Variants in NCK2 observed in about 807,000 individuals in gnomAD.
The protein encoded by NCK2 is NCK adaptor protein 2, also known as cytoplasmic protein NCK2.
NCK2 carries 16 observed loss-of-function variants against 33.9 expected under a neutral mutation model. That is an observed-to-expected ratio of 0.47 (90% CI 0.32 to 0.72). NCK2 has a LOEUF of 0.72. Among genes scored for constraint, NCK2 ranks in the 30% least tolerant of loss-of-function variants. The pLI, the probability that NCK2 is intolerant of heterozygous loss-of-function variation, is 0.03. For synonymous variants in NCK2, 273 were observed against 239.9 expected (o/e 1.14, Z -1.27); for missense variants, 418 against 537.3 (o/e 0.78, Z 2.19).
intron 2 of NCK2, among the ~76,000 whole-genome samples, chr2:105,823,549 T>G (rs1675828541): frequency 6.6e-6 from 1 of 152,000 alleles, no homozygotes; most frequent in South Asian, 2.1e-4. Context: ...TTATAAAACA[T>G]GATGAATAAA....
At chr2:105,877,781 A>G (rs1377232390) in intron 3 of NCK2, among the ~76,000 whole-genome samples, 2 of 152,210 alleles carry the variant, frequency 1.3e-5, no homozygotes, top group Non-Finnish European at 2.9e-5. Context: ...CTCCTTCACT[A>G]TTATGGATTG....
intron 1 of NCK2, among the ~76,000 whole-genome samples, chr2:105,803,912 C>T (rs1674936970): frequency 6.6e-6 from 1 of 152,116 alleles, no homozygotes; most frequent in South Asian, 2.1e-4. Context: ...TAAAACAGTC[C>T]TGGTTCTGGC....
At chr2:105,857,958 A>G (rs1308682440) in intron 3 of NCK2, among the ~76,000 whole-genome samples, 3 of 152,134 alleles carry the variant, frequency 2.0e-5, no homozygotes, top group Non-Finnish European at 4.4e-5. Context: ...CAAGAAGGAA[A>G]GTGAGAATGC....
At chr2:105,765,831 G>A (rs988781228) in intron 1 of NCK2, among the ~76,000 whole-genome samples, 1 of 151,848 alleles carries the variant, frequency 6.6e-6, no homozygotes, top group Non-Finnish European at 1.5e-5. Context: ...GTGTGTGTGT[G>A]TAAGTCTGTG....
At chr2:105,884,447 AT>A (rs1460655169) in intron 4 of NCK2, among the ~76,000 whole-genome samples, 9 of 151,824 alleles carry the variant, frequency 5.9e-5, no homozygotes, top group African/African-American at 2.2e-4. Flanking sequence ...TCTTTATTTA[AT>A]TTCCTTTTTT....
chr2:105,815,695 A>C (rs1675453417), intron 1 of NCK2, among the ~76,000 whole-genome samples: 1 of 152,164 alleles, frequency 6.6e-6, no homozygotes. Flanking sequence ...TCTTGAAACT[A>C]GGGGTGCTTT....
intron 1 of NCK2, among the ~76,000 whole-genome samples, chr2:105,809,713 C>T (rs927961116): frequency 6.6e-6 from 1 of 152,152 alleles, no homozygotes; most frequent in African/African-American, 2.4e-5. Context: ...ACTATATAAG[C>T]ACTTATGACT....
chr2:105,873,364 T>C (rs1048777601), intron 3 of NCK2, among the ~76,000 whole-genome samples: 1 of 152,208 alleles, frequency 6.6e-6, no homozygotes, highest in Non-Finnish European at 1.5e-5. Flanking sequence ...CATGTTGGTC[T>C]GTGAGGCCTA....
chr2:105,824,257 A>T (rs1038281900), intron 2 of NCK2, among the ~76,000 whole-genome samples: 24 of 150,278 alleles, frequency 1.6e-4, no homozygotes, highest in African/African-American at 4.3e-4. Context: ...ACTGCTTTCC[A>T]CTTGGGCCCC....
intron 1 of NCK2, among the ~76,000 whole-genome samples, chr2:105,803,219 T>C (rs1480091564): frequency 6.6e-6 from 1 of 152,220 alleles, no homozygotes; most frequent in Non-Finnish European, 1.5e-5. Context: ...CTCCATCAAA[T>C]TTTTAAATTC....
chr2:105,893,351 C>A lies in NCK2; in HGVS notation c.*175C>A. 1 of 599,982 alleles carries A rather than the reference C, an allele frequency of 1.7e-6. No individual in the cohort carries two copies. The allele number at this position is 599,982 out of a possible 1,614,324, so 37.2% of individuals were successfully genotyped here. A position where few individuals can be genotyped will look rare whatever the true frequency, so the allele number is the denominator to read the frequency against. ...ATTTGCCATCCAGGCCTCACACCCA[C>A]ACTCGAGCCCACCCGGCCGGCCAGC... On this transcript the variant is annotated 3_prime_UTR_variant, in exon 5 of 5. Coordinates refer to ENST00000233154, the MANE Select transcript of NCK2 (RefSeq NM_003581.5).
chr2:105,759,664 G>C (rs753033277), intron 1 of NCK2, among the ~76,000 whole-genome samples: 15 of 152,128 alleles, frequency 9.9e-5, no homozygotes, highest in Non-Finnish European at 2.1e-4. Flanking sequence ...TTATTGTTAA[G>C]TCCATAGTTT....
At chr2:105,865,517 A>G (rs1677710321) in intron 3 of NCK2, among the ~76,000 whole-genome samples, 1 of 152,154 alleles carries the variant, frequency 6.6e-6, no homozygotes, top group South Asian at 2.1e-4. Context: ...CACCCACACG[A>G]CTGTTGAGGT....
At chr2:105,782,400 C>T (rs1171189905) in intron 1 of NCK2, among the ~76,000 whole-genome samples, 3 of 152,160 alleles carry the variant, frequency 2.0e-5, no homozygotes, top group African/African-American at 7.2e-5. Context: ...CAGCAGGTGT[C>T]AGAGTTGGGT....
At chr2:105,835,531 A>G (rs1573179793) in intron 2 of NCK2, among the ~76,000 whole-genome samples, 1 of 147,816 alleles carries the variant, frequency 6.8e-6, no homozygotes, top group Non-Finnish European at 1.5e-5. Flanking sequence ...GTTTTATTTT[A>G]CTTGATGTTT....
chr2:105,870,894 C>T (rs1236502259), intron 3 of NCK2, among the ~76,000 whole-genome samples: 1 of 152,060 alleles, frequency 6.6e-6, no homozygotes, highest in Admixed American at 6.5e-5. Context: ...GGAGCAACAT[C>T]ACTGACATAC....
Position 105,753,751 on chromosome 2 carries a change from T to G in NCK2, c.-201+8613T>G, listed in dbSNP as rs533094649. 1.7e-3 allele frequency among the ~76,000 whole-genome samples: 260 copies of G among 152,330 alleles called. 2 individuals carry two copies. The highest frequency in any genetic ancestry group is 5.9e-3 in the African/African-American group (244 of 41,582). On this transcript the variant is annotated intron_variant, in intron 1 of 4. Coordinates refer to ENST00000233154, the MANE Select transcript of NCK2 (RefSeq NM_003581.5). ...TGAGTTGCTGTTGTTGAAGTGAAGG[T>G]AGGCAGGTAGGTTCTTGCTGAAAAC...
intron 1 of NCK2, among the ~76,000 whole-genome samples, chr2:105,783,386 C>T (rs147313990): frequency 7.2e-5 from 11 of 152,210 alleles, no homozygotes; most frequent in African/African-American, 2.4e-4. Flanking sequence ...AAATTGTGCC[C>T]GTGTTCTGGG....
chr2:105,819,401 C>T (rs1354380553), intron 2 of NCK2, among the ~76,000 whole-genome samples: 1 of 151,444 alleles, frequency 6.6e-6, no homozygotes, highest in African/African-American at 2.4e-5. Context: ...ATGTATCAAT[C>T]CACTTGTCAG....
Sources: gnomAD v4.1 joint callset for allele counts (sites outside exome capture counted in the v4.1 genomes callset) on GRCh38, gnomAD v4.1.1 for gene constraint, MANE v1.5 for transcripts, NCBI Gene and HGNC (gene_info 2026-07-23, HGNC 2026-07-21) for gene names.